FRMD4A: variants seen among roughly 807,000 people sequenced by gnomAD.
The protein encoded by FRMD4A is FERM domain containing 4A.
In FRMD4A, 29 loss-of-function variants were observed where a neutral mutation model predicts 129.1. The ratio of observed to expected loss-of-function variants is 0.22; its 90% CI spans 0.17 to 0.31. FRMD4A has a LOEUF of 0.31. FRMD4A is among the 10% of genes least tolerant of loss of function. The probability of loss-of-function intolerance (pLI) is 1.00; values close to 1 mark genes in which losing one functional copy is unlikely to be tolerated. For synonymous variants in FRMD4A, 634 were observed against 571.6 expected (o/e 1.11, Z -1.56); for missense variants, 1,272 against 1,375.8 (o/e 0.92, Z 1.19).
chr10:13,794,289 G>A (rs2130818612), intron 5 of FRMD4A, among the ~76,000 whole-genome samples: 1 of 151,316 alleles, frequency 6.6e-6, no homozygotes, highest in South Asian at 2.1e-4. Context: ...CTGCTCAGGA[G>A]GCTGAGGCAG....
intron 2 of FRMD4A, among the ~76,000 whole-genome samples, chr10:14,094,036 C>T (rs1011545255): frequency 1.3e-4 from 20 of 152,146 alleles, no homozygotes; most frequent in South Asian, 4.1e-4. Flanking sequence ...CCGAAAAGGC[C>T]GTGGCAAGGA....
At chr10:14,306,928 C>T (rs1019575505) in intron 2 of FRMD4A, among the ~76,000 whole-genome samples, 2 of 152,098 alleles carry the variant, frequency 1.3e-5, no homozygotes, top group African/African-American at 4.8e-5. Flanking sequence ...AGGACAGGTA[C>T]AACATTTAGC....
chr10:13,712,893 G>A (rs1056886424), intron 12 of FRMD4A, among the ~76,000 whole-genome samples: 2 of 152,354 alleles, frequency 1.3e-5, no homozygotes, highest in South Asian at 4.1e-4. Flanking sequence ...TAGATGGCCT[G>A]CTGGATTCCC....
At chr10:13,851,175 C>T (rs2094135275) in intron 3 of FRMD4A, among the ~76,000 whole-genome samples, 1 of 152,200 alleles carries the variant, frequency 6.6e-6, no homozygotes, top group Non-Finnish European at 1.5e-5. Context: ...GATCACGTCA[C>T]TGCACTCCAG....
rs1341485109 is a variant in FRMD4A at position 13,644,016 on chromosome 10, C to G, written c.*3022G>C. On this transcript the variant is annotated 3_prime_UTR_variant, in exon 25 of 25. Coordinates refer to ENST00000357447, the MANE Select transcript of FRMD4A (RefSeq NM_018027.5). ...ATTAATGTATATGTAAAACTTTACA[C>G]CTAGTTAACTAAGCAGTAACTGGTC... 2.0e-5 allele frequency: 3 copies of G among 152,566 alleles called. No individual in the cohort carries two copies. Among genetic ancestry groups the G allele is most frequent in the Non-Finnish European group, 2.9e-5 (2 of 68,042 alleles). The allele number at this position is 152,566 out of a possible 1,614,324, so 9.5% of individuals were successfully genotyped here. A position where few individuals can be genotyped will look rare whatever the true frequency, so the allele number is the denominator to read the frequency against.
chr10:14,209,983 C>G (rs918845287), intron 2 of FRMD4A, among the ~76,000 whole-genome samples: 4 of 151,992 alleles, frequency 2.6e-5, no homozygotes, highest in Non-Finnish European at 5.9e-5. Context: ...AGGAGAGTGA[C>G]AAAGAGAGAA....
chr10:14,217,183 A>G (rs1843101653), intron 2 of FRMD4A, among the ~76,000 whole-genome samples: 1 of 152,240 alleles, frequency 6.6e-6, no homozygotes, highest in African/African-American at 2.4e-5. Context: ...AGAATTTTAA[A>G]AGGTGTCAAA....
chr10:14,104,063 C>A (rs1159730058), intron 2 of FRMD4A, among the ~76,000 whole-genome samples: 1 of 152,210 alleles, frequency 6.6e-6, no homozygotes, highest in Non-Finnish European at 1.5e-5. Flanking sequence ...CTCATTTTCC[C>A]CCCATGTTTT....
intron 2 of FRMD4A, among the ~76,000 whole-genome samples, chr10:14,297,056 G>T (rs780165897): frequency 6.6e-6 from 1 of 152,010 alleles, no homozygotes; most frequent in Non-Finnish European, 1.5e-5. Flanking sequence ...AAACCTATTT[G>T]TCATCTCCCA....
chr10:13,698,438 G>C (rs769929436), intron 14 of FRMD4A, among the ~76,000 whole-genome samples: 1 of 152,170 alleles, frequency 6.6e-6, no homozygotes, highest in Non-Finnish European at 1.5e-5. Context: ...CCCAGAGGCC[G>C]TGCTGCCCAT....
intron 2 of FRMD4A, among the ~76,000 whole-genome samples, chr10:13,883,006 G>C (rs989497350): frequency 1.3e-5 from 2 of 151,896 alleles, no homozygotes; most frequent in African/African-American, 2.4e-5. Flanking sequence ...GTTTTGCCTT[G>C]TTGGCCAGGC....
chr10:13,900,849 A>G (rs928063842), intron 2 of FRMD4A, among the ~76,000 whole-genome samples: 6 of 152,172 alleles, frequency 3.9e-5, no homozygotes, highest in African/African-American at 1.4e-4. Context: ...GTGAGCCTAG[A>G]TCACGCCACT....
At chr10:14,180,517 T>TA (rs1434393898) in intron 2 of FRMD4A, among the ~76,000 whole-genome samples, 2 of 152,114 alleles carry the variant, frequency 1.3e-5, no homozygotes, top group Non-Finnish European at 1.5e-5. Flanking sequence ...ATTACAGACT[T>TA]ACGAGCAAGC....
At chr10:14,161,026 C>T (rs1169608938) in intron 2 of FRMD4A, among the ~76,000 whole-genome samples, 2 of 152,182 alleles carry the variant, frequency 1.3e-5, no homozygotes, top group Non-Finnish European at 2.9e-5. Flanking sequence ...ACAATCTCGG[C>T]TCACTGTAAC....
At chr10:13,669,057 GTTTT>G (rs56706198) in intron 17 of FRMD4A, among the ~76,000 whole-genome samples, 2 of 97,462 alleles carry the variant, frequency 2.1e-5, no homozygotes, top group African/African-American at 8.5e-5. Context: ...CTGAGCTTTA[GTTTT>G]TTTTTTTTTT....
intron 2 of FRMD4A, among the ~76,000 whole-genome samples, chr10:14,106,457 CT>C (rs1456495060): frequency 6.6e-6 from 1 of 152,176 alleles, no homozygotes; most frequent in Non-Finnish European, 1.5e-5. Flanking sequence ...GTTTCTAGGA[CT>C]TTGCAGGATA....
chr10:13,862,336 TAAA>T (rs1427276208), intron 2 of FRMD4A, among the ~76,000 whole-genome samples: 1 of 152,174 alleles, frequency 6.6e-6, no homozygotes, highest in African/African-American at 2.4e-5. Flanking sequence ...ATCGCAGTAA[TAAA>T]GAAGATGAAA....
intron 2 of FRMD4A, among the ~76,000 whole-genome samples, chr10:13,954,636 C>T (rs2095397207): frequency 2.0e-5 from 3 of 152,116 alleles, no homozygotes; most frequent in Admixed American, 2.0e-4. Flanking sequence ...CCTTCCAGCA[C>T]CATCAGGGCC....
rs552749988 is a variant in FRMD4A, at chr10:13,673,543, T to C, written c.1251+1368A>G. 5.3e-5 allele frequency among the ~76,000 whole-genome samples: 8 copies of C among 152,136 alleles called. No homozygotes were observed. In the South Asian group the frequency reaches 6.2e-4, roughly 12 times the overall value. On this transcript the variant is annotated intron_variant, in intron 16 of 24. Coordinates refer to ENST00000357447, the MANE Select transcript of FRMD4A (RefSeq NM_018027.5). ...CCTGCCCTGGAGAGCTCCCACCCCA[T>C]TGTGCCCATGTGCACAATGCACACA...
Sources: gnomAD v4.1 joint callset for allele counts (sites outside exome capture counted in the v4.1 genomes callset) on GRCh38, gnomAD v4.1.1 for gene constraint, MANE v1.5 for transcripts, NCBI Gene and HGNC (gene_info 2026-07-23, HGNC 2026-07-21) for gene names.